HMCN1: variants seen among roughly 807,000 people sequenced by gnomAD.
HMCN1 encodes hemicentin-1.
Under a neutral mutation model 625.9 loss-of-function variants are expected in HMCN1, and 321 were observed. That is an observed-to-expected ratio of 0.51 (90% CI 0.47 to 0.56). HMCN1 has a LOEUF of 0.56. Among genes scored for constraint, HMCN1 ranks in the 20% least tolerant of loss-of-function variants. The probability of loss-of-function intolerance (pLI) is 0.00; values close to 1 mark genes in which losing one functional copy is unlikely to be tolerated. For synonymous variants in HMCN1, 2,425 were observed against 2,417.6 expected (o/e 1.00, Z -0.09); for missense variants, 6,588 against 6,887.3 (o/e 0.96, Z 1.54).
intron 1 of HMCN1, among the ~76,000 whole-genome samples, chr1:185,780,287 C>T (rs1656972211): frequency 6.6e-6 from 1 of 152,214 alleles, no homozygotes; most frequent in Non-Finnish European, 1.5e-5. Context: ...ATCATGTCAT[C>T]TGCAAACAGG....
intron 1 of HMCN1, among the ~76,000 whole-genome samples, chr1:185,814,184 T>G (rs187989698): frequency 6.6e-6 from 1 of 152,072 alleles, no homozygotes; most frequent in Admixed American, 6.6e-5. Context: ...CACAATCGAG[T>G]CTTCTTTCTT....
At chr1:185,798,832 T>C (rs1474487468) in intron 1 of HMCN1, among the ~76,000 whole-genome samples, 1 of 152,092 alleles carries the variant, frequency 6.6e-6, no homozygotes, top group Admixed American at 6.6e-5. Context: ...TTGGATCTCA[T>C]TGAGCTTTTT....
chr1:185,996,221 G>A lies in HMCN1; in HGVS notation c.3778+1134G>A, dbSNP rs374939307. On this transcript the variant is annotated intron_variant, in intron 24 of 106. Transcript: ENST00000271588. ...CAAATCAAACAAGGCCTCCCTTGGG[G>A]TAGGGACATGTCAGTTGAGATTTGA... Among the ~76,000 whole-genome samples the A allele has an allele frequency of 1.3e-5, 2 of 152,266 alleles. 1 individual carries two copies. Among genetic ancestry groups the A allele is most frequent in the Non-Finnish European group, 2.9e-5 (2 of 68,022 alleles).
chr1:186,048,393 C>T (rs1656720483), intron 41 of HMCN1, among the ~76,000 whole-genome samples: 1 of 152,062 alleles, frequency 6.6e-6, no homozygotes, highest in African/African-American at 2.4e-5. Flanking sequence ...TGTTATTTTA[C>T]TGGACAGTTT....
chr1:185,871,975 CA>C (rs1663646925), intron 4 of HMCN1, among the ~76,000 whole-genome samples: 1 of 152,170 alleles, frequency 6.6e-6, no homozygotes, highest in Non-Finnish European at 1.5e-5. Flanking sequence ...ATTTCAAAAA[CA>C]AAACCTTACT....
At chr1:185,738,814 G>A (rs1653776608) in intron 1 of HMCN1, among the ~76,000 whole-genome samples, 2 of 152,130 alleles carry the variant, frequency 1.3e-5, no homozygotes, top group South Asian at 4.1e-4. Flanking sequence ...TCAAAAAATA[G>A]AAAGTAAACT....
At chr1:185,920,277 T>C (rs1021321340) in intron 6 of HMCN1, among the ~76,000 whole-genome samples, 2 of 152,160 alleles carry the variant, frequency 1.3e-5, no homozygotes, top group Non-Finnish European at 2.9e-5. Flanking sequence ...ATTTGGGATG[T>C]CCTTTGTTTC....
chr1:185,881,572 A>T lies in HMCN1; in HGVS notation c.621+15709A>T, dbSNP rs114391955. 9.2e-3 allele frequency among the ~76,000 whole-genome samples: 1,401 copies of T among 152,274 alleles called. 30 individuals are homozygous for T. The highest frequency in any genetic ancestry group is 0.033 in the African/African-American group (1,352 of 41,548). On this transcript the variant is annotated intron_variant, in intron 4 of 106. Transcript: ENST00000271588. ...AACATTCCAGTGGGAAAACAGGGAT[A>T]TAAGTTCTCACTTTGGGCTGTGGTT...
Position 186,161,244 on chromosome 1 carries a change from C to T in HMCN1, c.15257-3867C>T, listed in dbSNP as rs1166759400. Among the ~76,000 whole-genome samples the T allele has an allele frequency of 7.9e-5, 12 of 151,370 alleles. No individual in the cohort carries two copies. The East Asian group carries it at 2.3e-3, about 29-fold the overall frequency. On this transcript the variant is annotated intron_variant, in intron 97 of 106. Coordinates refer to ENST00000271588, the MANE Select transcript of HMCN1 (RefSeq NM_031935.3). ...TTTATCAGAGACTAGGATTGCAACC[C>T]CTGCCTTTTTTTGTTTTCCATTTGC...
Position 185,737,147 on chromosome 1 carries a change from TTG to T in HMCN1, c.268+2102_268+2103del, listed in dbSNP as rs201550535. Among the ~76,000 whole-genome samples the T allele has an allele frequency of 6.5e-3, 993 of 152,006 alleles. 8 individuals are homozygous for T. Among genetic ancestry groups the T allele is most frequent in the Middle Eastern group, 0.027 (8 of 294 alleles). ...AGTTTTTGGCCTCTTTGTAGTTTTT[TTG>T]TTGTTGTTTATTTTTTTTTTTTTGA... is the stretch of plus-strand genomic sequence containing the variant. On this transcript the variant is annotated intron_variant, in intron 1 of 106. Transcript: ENST00000271588.
intron 4 of HMCN1, among the ~76,000 whole-genome samples, chr1:185,899,333 T>G (rs1183562342): frequency 6.6e-6 from 1 of 152,126 alleles, no homozygotes; most frequent in Admixed American, 6.6e-5. Flanking sequence ...ATATTACAAT[T>G]TTTTTGTCAT....
intron 2 of HMCN1, among the ~76,000 whole-genome samples, chr1:185,854,674 C>G (rs146647865): frequency 1.3e-5 from 2 of 152,154 alleles, no homozygotes; most frequent in African/African-American, 4.8e-5. Flanking sequence ...TTTATTTGCT[C>G]TATCATATAT....
At position 185,883,197 on chromosome 1, in the gene HMCN1, G is replaced by A. The variant is rs1005732293; in HGVS notation, c.621+17334G>A. On this transcript the variant is annotated intron_variant, in intron 4 of 106. Coordinates refer to ENST00000271588, the MANE Select transcript of HMCN1 (RefSeq NM_031935.3). ...AAGCATGCTTATGACATTTATCTTT[G>A]TATTCTTGTTGATATAAATCAGATT... Among the ~76,000 whole-genome samples the A allele has an allele frequency of 2.0e-5, 3 of 152,044 alleles. No individual in the cohort carries two copies. In the East Asian group the frequency reaches 5.8e-4, roughly 29 times the overall value.
Position 186,069,726 on chromosome 1 carries a change from C to T in HMCN1, c.7943C>T (p.Ala2648Val), listed in dbSNP as rs368995155. 2.0e-5 allele frequency: 32 copies of T among 1,613,382 alleles called. No individual in the cohort carries two copies. The highest frequency in any genetic ancestry group is 2.6e-5 in the Non-Finnish European group (31 of 1,179,746). The change falls in exon 51 of 107, where the codon GCC becomes GTC. Residue 2648 changes from alanine (A) to valine (V), a missense_variant. Physicochemically the swap from Ala to Val is moderately conservative, Grantham distance 64. Coordinates refer to ENST00000271588, the MANE Select transcript of HMCN1 (RefSeq NM_031935.3). Reference sequence around the variant, plus strand: ...AATGCTGGAAGATACTCTTGTGTAGCCACGAATGAGGCTGGAGAAATGATA... The same window carrying T: ...AATGCTGGAAGATACTCTTGTGTAGTCACGAATGAGGCTGGAGAAATGATA... The part of the protein sequence containing the change: ...EDNAGRYSCV[A>V]TNEAGEMIKH...
chr1:185,780,239 G>A (rs1384704170), intron 1 of HMCN1, among the ~76,000 whole-genome samples: 1 of 152,210 alleles, frequency 6.6e-6, no homozygotes, highest in African/African-American at 2.4e-5. Context: ...AGCTTAAGGA[G>A]ATTTTGGGCT....
intron 93 of HMCN1, among the ~76,000 whole-genome samples, chr1:186,149,140 C>T (rs1178443031): frequency 6.6e-6 from 1 of 152,112 alleles, no homozygotes; most frequent in East Asian, 1.9e-4. Context: ...TCACCAACTG[C>T]GTAAGTCCTT....
chr1:185,902,379 C>CTCTATCTATCTATCTATCTATCTA (rs557542346), intron 4 of HMCN1, among the ~76,000 whole-genome samples: 5 of 149,162 alleles, frequency 3.4e-5, no homozygotes, highest in African/African-American at 1.3e-4. Flanking sequence ...TGTGCTATGT[C>CTCTATCTATCTATCTATCTATCTA]TCTATCTATC....
At chr1:185,839,501 G>A (rs1186034897) in intron 1 of HMCN1, among the ~76,000 whole-genome samples, 1 of 152,108 alleles carries the variant, frequency 6.6e-6, no homozygotes, top group Non-Finnish European at 1.5e-5. Flanking sequence ...GTGCATAGAT[G>A]TATTTTAATG....
intron 1 of HMCN1, among the ~76,000 whole-genome samples, chr1:185,839,281 A>G (rs569168593): frequency 6.6e-6 from 1 of 152,334 alleles, no homozygotes; most frequent in Admixed American, 6.5e-5. Flanking sequence ...AAAACTTTGA[A>G]ATGAATTACA....
Sources: allele counts gnomAD v4.1 joint callset (sites outside exome capture counted in the v4.1 genomes callset), GRCh38; gene constraint gnomAD v4.1.1; transcripts MANE v1.5; gene names NCBI Gene and HGNC (gene_info 2026-07-23, HGNC 2026-07-21).